The following AGTPBP1 variants were observed in gnomAD, a reference collection of about 807,000 sequenced individuals.
AGTPBP1 encodes the protein cytosolic carboxypeptidase 1.
AGTPBP1 carries 70 observed loss-of-function variants against 143.9 expected under a neutral mutation model. The observed-to-expected ratio is 0.49, with a 90% confidence interval of 0.40 to 0.59. The LOEUF is 0.59. AGTPBP1 is among the 20% of genes least tolerant of loss of function. The probability of loss-of-function intolerance (pLI) is 0.00; values close to 1 mark genes in which losing one functional copy is unlikely to be tolerated. For synonymous variants in AGTPBP1, 463 were observed against 500.2 expected (o/e 0.93, Z 0.99); for missense variants, 1,229 against 1,464.5 (o/e 0.84, Z 2.62).
intron 11 of AGTPBP1, among the ~76,000 whole-genome samples, chr9:85,651,737 C>A (rs571474905): frequency 6.6e-6 from 1 of 152,288 alleles, no homozygotes; most frequent in East Asian, 1.9e-4. Context: ...GTCCAGAAGT[C>A]TTGAGTCAGA....
chr9:85,761,068 G>A, the AGTPBP1 span, among the ~76,000 whole-genome samples: 3 of 152,186 alleles, frequency 2.0e-5, no homozygotes, highest in Non-Finnish European at 4.4e-5. Context: ...ACTTAGAAGG[G>A]ATGTGAAGGA....
intron 7 of AGTPBP1, among the ~76,000 whole-genome samples, chr9:85,670,949 T>C (rs1241767412): frequency 1.3e-5 from 2 of 152,162 alleles, no homozygotes; most frequent in Admixed American, 6.5e-5. Context: ...TGTTGCATTG[T>C]TGTTGTTTTT....
chr9:85,673,935 A>G (rs953282070), intron 6 of AGTPBP1, among the ~76,000 whole-genome samples: 3 of 152,028 alleles, frequency 2.0e-5, no homozygotes, highest in Non-Finnish European at 4.4e-5. Context: ...CCTGGCTAAC[A>G]TGGTGAAACC....
chr9:85,643,734 T>C (rs770501671), intron 12 of AGTPBP1, among the ~76,000 whole-genome samples: 4 of 152,182 alleles, frequency 2.6e-5, no homozygotes, highest in Admixed American at 6.5e-5. Flanking sequence ...CCAGGATCAA[T>C]GTGTTCTAAA....
intron 25 of AGTPBP1, among the ~76,000 whole-genome samples, chr9:85,548,602 G>C (rs1825854419): frequency 6.6e-6 from 1 of 151,658 alleles, no homozygotes. Context: ...AAAATATTTA[G>C]TATGAATCTG....
chr9:85,804,971 G>A, the AGTPBP1 span, among the ~76,000 whole-genome samples: 12 of 152,308 alleles, frequency 7.9e-5, no homozygotes, highest in South Asian at 2.3e-3. Context: ...CGACGCAGGT[G>A]ATCCTGCCTT....
At chr9:85,578,800 C>CT in intron 24 of AGTPBP1, 120 bp downstream of exon 24, 1 of 1,011,230 alleles carries the variant, frequency 9.9e-7, no homozygotes, top group Admixed American at 2.7e-5. Flanking sequence ...TCCATTATTA[C>CT]ATATTACATG....
At chr9:85,611,322 A>G (rs1830305677) in intron 17 of AGTPBP1, among the ~76,000 whole-genome samples, 1 of 151,994 alleles carries the variant, frequency 6.6e-6, no homozygotes, top group African/African-American at 2.4e-5. Context: ...TCCTCTATTA[A>G]AAGACAAATG....
the AGTPBP1 span, among the ~76,000 whole-genome samples, chr9:85,792,825 T>C: frequency 6.6e-6 from 1 of 152,192 alleles, no homozygotes; most frequent in Non-Finnish European, 1.5e-5. Context: ...GCATCATATA[T>C]GTTTAAGATT....
rs1283158727 is a variant in AGTPBP1, at chr9:85,642,942, T to C, written c.1187A>G (p.Asn396Ser). The C allele has an allele frequency of 1.2e-6, 2 of 1,605,226 alleles. No individual in the cohort carries two copies. The highest frequency in any genetic ancestry group is 2.7e-5 in the African/African-American group (2 of 74,718). The change falls in exon 13 of 26, where the codon AAT becomes AGT. Residue 396 changes from asparagine to serine, a missense_variant and splice_region_variant. Coordinates refer to ENST00000357081, the MANE Select transcript of AGTPBP1 (RefSeq NM_001330701.2). ...GTTAATATCTGTTTCAATATCATCA[T>C]TCTGAAATGATAAAAAGAGTATGTT... is the stretch of plus-strand genomic sequence containing the variant. The part of the protein sequence containing the change: ...NEDDLDQNFK[N>S]DDIETDINKL...
At chr9:85,664,435 T>C (rs1189667003) in intron 8 of AGTPBP1, among the ~76,000 whole-genome samples, 1 of 152,166 alleles carries the variant, frequency 6.6e-6, no homozygotes, top group African/African-American at 2.4e-5. Context: ...TTCTTCAGCC[T>C]AAAGTTCATT....
the AGTPBP1 span, chr9:85,805,292 C>G: frequency 6.6e-6 from 1 of 151,990 alleles, no homozygotes; most frequent in Admixed American, 6.6e-5. Flanking sequence ...GAGGCTCTCA[C>G]GCCGCCCCCT....
At position 85,669,053 on chromosome 9, in the gene AGTPBP1, GA is replaced by G. The variant is rs1389195114; in HGVS notation, c.662+431del. Among the ~76,000 whole-genome samples the G allele has an allele frequency of 7.5e-5, 11 of 146,696 alleles. No homozygotes were observed. In the East Asian group the frequency reaches 2.2e-3, roughly 30 times the overall value. On this transcript the variant is annotated intron_variant, in intron 8 of 25. Transcript: ENST00000357081. ...CACACACACACATCTCAGGATGGGG[GA>G]AAAAGAATGATGTGATTTTGACAAA... is the stretch of plus-strand genomic sequence containing the variant.
chr9:85,741,750 A>C (rs1824312306), intron 1 of AGTPBP1, 25 bp downstream of exon 1: 1 of 1,304,058 alleles, frequency 7.7e-7, no homozygotes, highest in South Asian at 2.2e-5. Context: ...CGGCCGGGAC[A>C]TGAGGACTGC....
At chr9:85,606,167 T>A (rs1829976615) in intron 17 of AGTPBP1, among the ~76,000 whole-genome samples, 1 of 151,976 alleles carries the variant, frequency 6.6e-6, no homozygotes, top group South Asian at 2.1e-4. Flanking sequence ...AAGGGATTAG[T>A]ATCCAAAATA....
intron 4 of AGTPBP1, among the ~76,000 whole-genome samples, chr9:85,679,299 T>C (rs1284754847): frequency 1.3e-5 from 2 of 152,258 alleles, no homozygotes; most frequent in East Asian, 3.8e-4. Context: ...AAAGTAATGC[T>C]CAATCTCAAG....
chr9:85,790,821 G>A, the AGTPBP1 span, among the ~76,000 whole-genome samples: 1 of 152,090 alleles, frequency 6.6e-6, no homozygotes, highest in African/African-American at 2.4e-5. Context: ...CTCATAGTCT[G>A]TTATAATGAG....
the AGTPBP1 span, chr9:85,773,850 C>G: frequency 1.9e-6 from 3 of 1,601,892 alleles, no homozygotes; most frequent in African/African-American, 1.3e-5. Context: ...GGTGAATTTG[C>G]GAGAAGCTGA....
Position 85,646,374 on chromosome 9 carries a change from CATCAAT to C in AGTPBP1, c.1126_1131del (p.Ile376_Asp377del), listed in dbSNP as rs1832808654. The stretch of plus-strand genomic sequence containing the variant: ...TTCTCAGTTTCGTTTTCAGCTTCTA[CATCAAT>C]ATCATCGTTGTCATCACTTTCATCT... On this transcript the variant is annotated inframe_deletion, in exon 12 of 26. Coordinates refer to ENST00000357081, the MANE Select transcript of AGTPBP1 (RefSeq NM_001330701.2). The C allele has an allele frequency of 3.1e-6, 5 of 1,613,054 alleles. No individual in the cohort carries two copies. Among genetic ancestry groups the C allele is most frequent in the Non-Finnish European group, 4.2e-6 (5 of 1,179,734 alleles).
Sources: allele counts gnomAD v4.1 joint callset (sites outside exome capture counted in the v4.1 genomes callset), GRCh38; gene constraint gnomAD v4.1.1; transcripts MANE v1.5; gene names NCBI Gene and HGNC (gene_info 2026-07-23, HGNC 2026-07-21).